GCA: variants seen among roughly 807,000 people sequenced by gnomAD.
GCA encodes the protein grancalcin, EF-hand calcium-binding protein.
Under a neutral mutation model 32.6 loss-of-function variants are expected in GCA, and 30 were observed. The ratio of observed to expected loss-of-function variants is 0.92; its 90% confidence interval spans 0.69 to 1.25. The LOEUF is 1.25. GCA is among the 50% of genes most tolerant of loss of function. The probability of loss-of-function intolerance (pLI) is 0.00; values close to 1 mark genes in which losing one functional copy is unlikely to be tolerated. For missense variants in GCA, 291 were observed against 266.8 expected, an observed-to-expected ratio of 1.09 and a Z score of -0.63; for synonymous variants, 102 against 84.6, an observed-to-expected ratio of 1.21 and a Z score of -1.13.
At chr2:162,348,822 G>A (rs1684842124) in intron 2 of GCA, among the ~76,000 whole-genome samples, 1 of 151,972 alleles carries the variant, frequency 6.6e-6, no homozygotes, top group South Asian at 2.1e-4. Context: ...TAAGCAAATA[G>A]GATATGTATT....
At chr2:162,367,702 C>T (rs945945243), downstream of GCA, among the ~76,000 whole-genome samples, 1 of 151,972 alleles carries the variant, frequency 6.6e-6, no homozygotes, top group South Asian at 2.1e-4. Context: ...TTGTTGGAGA[C>T]GTTGCACATT....
upstream of GCA, among the ~76,000 whole-genome samples, chr2:162,342,540 A>G (rs1684485683): frequency 6.6e-6 from 1 of 152,198 alleles, no homozygotes; most frequent in Non-Finnish European, 1.5e-5. Context: ...AAGAACTCCA[A>G]GCTTAGGAAA....
chr2:162,359,428 G>C, intron 6 of GCA, 66 bp from the exon 7 acceptor site: 2 of 697,800 alleles, frequency 2.9e-6, no homozygotes, highest in East Asian at 5.8e-5. Flanking sequence ...TGTGTACCTG[G>C]GTGCACTAAA....
chr2:162,356,486 C>A lies in GCA; in HGVS notation c.306+5C>A. 2 of 1,534,146 alleles carry A rather than the reference C, an allele frequency of 1.3e-6. No homozygotes were observed. The highest frequency in any genetic ancestry group is 1.8e-6 in the Non-Finnish European group (2 of 1,108,190). On this transcript the variant is annotated splice_donor_5th_base_variant and intron_variant, in intron 4 of 7. Transcript: ENST00000437150. ...ATTATGATTGCCATGTTGGATGTAT[C>A]CTTGAATAGAAATAGAAAATACTAG... is the stretch of plus-strand genomic sequence containing the variant.
At chr2:162,359,725 A>C (rs768647597) in intron 7 of GCA, among the ~76,000 whole-genome samples, 173 bp downstream of exon 7, 3 of 151,158 alleles carry the variant, frequency 2.0e-5, no homozygotes, top group Non-Finnish European at 3.0e-5. Context: ...ATAGGTGCCA[A>C]ACAATTTGAC....
At chr2:162,359,021 G>A in intron 5 of GCA, 23 bp from the exon 6 acceptor site, 1 of 1,138,888 alleles carries the variant, frequency 8.8e-7, no homozygotes, top group Non-Finnish European at 1.3e-6. Context: ...ACATTTAGAA[G>A]TTTTAATTTA....
chr2:162,357,807 A>G (rs1039427877), intron 5 of GCA, among the ~76,000 whole-genome samples: 6 of 151,670 alleles, frequency 4.0e-5, no homozygotes, highest in Admixed American at 2.0e-4. Context: ...CAGAAAAGAA[A>G]ACCTCCAGAG....
upstream of GCA, among the ~76,000 whole-genome samples, chr2:162,342,745 T>C (rs1403470208): frequency 2.0e-5 from 3 of 152,220 alleles, no homozygotes; most frequent in African/African-American, 7.2e-5. Context: ...CAGACTAACA[T>C]TGTAAATGTA....
chr2:162,373,525 G>T (rs1686042245), downstream of GCA: 1 of 1,585,608 alleles, frequency 6.3e-7, no homozygotes, highest in Non-Finnish European at 8.6e-7. Flanking sequence ...CGGTTGACTG[G>T]TTCTCATCAG....
At chr2:162,319,597 G>GA (rs148637816) in intron 1 of GCA, among the ~76,000 whole-genome samples, 2 of 151,886 alleles carry the variant, frequency 1.3e-5, no homozygotes, top group Non-Finnish European at 2.9e-5. Flanking sequence ...TGTCATGAGA[G>GA]AAAAAAAACA....
intron 4 of GCA, among the ~76,000 whole-genome samples, chr2:162,370,299 AT>A (rs1431514718): frequency 6.6e-6 from 1 of 152,118 alleles, no homozygotes; most frequent in Non-Finnish European, 1.5e-5. Context: ...AAATTTCAAT[AT>A]TTTTGTTCAG....
At position 162,359,132 on chromosome 2, in the gene GCA, C is replaced by T. The variant is rs746543848; in HGVS notation, c.543C>T (p.Cys181=). 9.4e-6 allele frequency: 15 copies of T among 1,601,346 alleles called. No individual in the cohort carries two copies. Among genetic ancestry groups the T allele is most frequent in the Non-Finnish European group, 1.3e-5 (15 of 1,169,870 alleles). The change falls in exon 6 of 8, where the codon TGC becomes TGT. Residue 181 remains cysteine, a synonymous_variant. Transcript: ENST00000437150. The part of the protein sequence containing the change: ...GRIFFDDYVA[C]CVKLRALTDF... ...TTTTCTTTGATGATTATGTTGCTTG[C>T]TGTGTGAAGCTTCGAGCATTGACAG...
At chr2:162,373,686 A>G, downstream of GCA, 1 of 1,428,122 alleles carries the variant, frequency 7.0e-7, no homozygotes, top group Non-Finnish European at 9.2e-7. Context: ...AGAAGTAGGA[A>G]AAGACAGTCT....
At chr2:162,345,444 A>ACT (rs1481122911) in intron 1 of GCA, among the ~76,000 whole-genome samples, 1 of 151,888 alleles carries the variant, frequency 6.6e-6, no homozygotes, top group Non-Finnish European at 1.5e-5. Context: ...TTGTATATTT[A>ACT]CTCCTCTTGG....
chr2:162,352,469 T>G (rs767430160), intron 3 of GCA, 62 bp downstream of exon 3: 29 of 1,007,736 alleles, frequency 2.9e-5, no homozygotes, highest in Non-Finnish European at 4.2e-5. Context: ...TTACTTTTTT[T>G]GTCCCTGTAA....
downstream of GCA, chr2:162,373,569 T>G (rs755196715): frequency 3.1e-6 from 5 of 1,595,720 alleles, no homozygotes; most frequent in Non-Finnish European, 4.3e-6. Flanking sequence ...CTGATCCTGC[T>G]GTTACCATAC....
upstream of GCA, among the ~76,000 whole-genome samples, chr2:162,342,454 C>T (rs1414210999): frequency 1.3e-5 from 2 of 152,172 alleles, no homozygotes; most frequent in Non-Finnish European, 2.9e-5. Flanking sequence ...AGATTCCCCT[C>T]GTTCTGAAGT....
chr2:162,338,338 G>C (rs1443977907), intron 1 of GCA, among the ~76,000 whole-genome samples: 1 of 152,178 alleles, frequency 6.6e-6, no homozygotes, highest in African/African-American at 2.4e-5. Flanking sequence ...TTTAAGAATT[G>C]GGCCACTTTT....
chr2:162,338,916 C>A (rs1394901587), intron 1 of GCA, among the ~76,000 whole-genome samples: 1 of 152,168 alleles, frequency 6.6e-6, no homozygotes, highest in African/African-American at 2.4e-5. Context: ...GTATACCAAT[C>A]ATCACCTTTC....
Sources: allele counts gnomAD v4.1 joint callset (sites outside exome capture counted in the v4.1 genomes callset), GRCh38; gene constraint gnomAD v4.1.1; transcripts MANE v1.5; gene names NCBI Gene and HGNC (gene_info 2026-07-23, HGNC 2026-07-21).